The following ESPL1 variants were observed in gnomAD, a reference collection of about 807,000 sequenced individuals.
ESPL1 encodes separin.
A neutral mutation model predicts 217.2 loss-of-function variants in ESPL1; 50 were observed. The observed-to-expected ratio is 0.23, with a 90% CI of 0.18 to 0.29. The LOEUF is 0.29. Among genes scored for constraint, ESPL1 ranks in the 10% least tolerant of loss-of-function variants. The probability of loss-of-function intolerance (pLI) is 1.00; values close to 1 mark genes in which losing one functional copy is unlikely to be tolerated. For synonymous variants in ESPL1, 994 were observed against 1,081.3 expected (o/e 0.92, Z 1.58); for missense variants, 1,834 against 2,603.0 (o/e 0.70, Z 6.43).
In ESPL1 at chr12:53,286,128, C is replaced by A. The variant is rs1310296328; in HGVS notation, c.3392C>A (p.Thr1131Asn). ...ACAAACTCCTCCCCAGTCTTGAAAA[C>A]CAAGCCCCAGCCCATACCCAACTTC... ...PSTNSSPVLK[T>N]KPQPIPNFLS... The change falls in exon 18 of 31, where the codon ACC becomes AAC. Residue 1131 changes from threonine (T) to asparagine (N), a missense_variant. By Grantham distance (65) the Thr-to-Asn change is moderately conservative. This residue lies in a region of ESPL1 where 681 missense variants were observed against 808.0 expected (regional missense o/e 0.84). Coordinates refer to ENST00000257934, the MANE Select transcript of ESPL1 (RefSeq NM_012291.5). This position sits in a 1 kb window ranked among gnomAD's most constrained non-coding sequence, Gnocchi z 5.3. 6.2e-7 allele frequency: 1 copy of A among 1,614,110 alleles called. No homozygotes were observed. The highest frequency in any genetic ancestry group is 8.5e-7 in the Non-Finnish European group (1 of 1,179,936).
In ESPL1 at chr12:53,290,439, A is replaced by G. The variant is rs769883316; in HGVS notation, c.5334A>G (p.Thr1778=). ...GTACTGACAAGCGAGAATGGTGGAC[A>G]GGGCGGCTGGCACTGGACCACAGGA... ...SSCTDKREWW[T]GRLALDHRME... The change falls in exon 24 of 31, where the codon ACA becomes ACG. Residue 1778 remains threonine, a synonymous_variant. Coordinates refer to ENST00000257934, the MANE Select transcript of ESPL1 (RefSeq NM_012291.5). 1 of 1,613,216 alleles carries G rather than the reference A, an allele frequency of 6.2e-7. No individual in the cohort carries two copies. The highest frequency in any genetic ancestry group is 1.3e-5 in the African/African-American group (1 of 75,040).
At chr12:53,280,713 G>C (rs888937826) in intron 12 of ESPL1, among the ~76,000 whole-genome samples, 1 of 152,094 alleles carries the variant, frequency 6.6e-6, no homozygotes, top group Non-Finnish European at 1.5e-5. Flanking sequence ...GGTTAACCAG[G>C]CTGAGCGCAG....
Position 53,283,530 on chromosome 12 carries a change from A to G in ESPL1, c.3069A>G (p.Ile1023Met). Residue 1023 changes from isoleucine to methionine, a missense_variant, in exon 16 of 31, where the codon ATA (isoleucine) becomes ATG (methionine). Physicochemically the swap from Ile to Met is conservative, Grantham distance 10. Transcript: ENST00000257934. ...EALKLTTKLQ[I>M]PRQCALFLVL... ...TAAAACTTACAACAAAGCTGCAGAT[A>G]CCACGCCAGTAAGTACAGGGCCAGA... is the stretch of plus-strand genomic sequence containing the variant. 3 of 1,614,046 alleles carry G rather than the reference A, an allele frequency of 1.9e-6. No individual in the cohort carries two copies. The highest frequency in any genetic ancestry group is 2.5e-6 in the Non-Finnish European group (3 of 1,179,984).
At chr12:53,280,146 T>C (rs1943837640) in intron 12 of ESPL1, among the ~76,000 whole-genome samples, 1 of 152,180 alleles carries the variant, frequency 6.6e-6, no homozygotes, top group Non-Finnish European at 1.5e-5. Context: ...TAGTTGATGC[T>C]TCATTGCTCA....
Position 53,270,082 on chromosome 12 carries a change from T to C in ESPL1, c.1140T>C (p.Asp380=). ...YCSLLQQLRD[D]GVYGGSSKQQ... is the part of the protein sequence containing the mutation. ...CTCTTCTGCAGCAGCTGCGGGATGA[T>C]GGTGTGAGTTAAGGACCTGGAGGTA... The change falls in exon 3 of 31, where the codon GAT becomes GAC. Residue 380 remains aspartate (D), a synonymous_variant. Coordinates refer to ENST00000257934, the MANE Select transcript of ESPL1 (RefSeq NM_012291.5). 1 of 1,603,980 alleles carries C rather than the reference T, an allele frequency of 6.2e-7. No homozygotes were observed. The highest frequency in any genetic ancestry group is 1.3e-5 in the African/African-American group (1 of 74,788).
At chr12:53,273,836 GTTTTTTTTTTTTTTTTTT>G (rs71096001) in intron 6 of ESPL1, among the ~76,000 whole-genome samples, 5 of 63,154 alleles carry the variant, frequency 7.9e-5, no homozygotes, top group East Asian at 1.2e-3. Flanking sequence ...TGGTTTTTTG[GTTTTTTTTTTTTTTTTTT>G]TTTTTTTTTT....
chr12:53,269,645 G>A lies in ESPL1; in HGVS notation c.703G>A (p.Glu235Lys). The A allele has an allele frequency of 1.2e-6, 2 of 1,614,212 alleles. No homozygotes were observed. Among genetic ancestry groups the A allele is most frequent in the Non-Finnish European group, 1.7e-6 (2 of 1,180,034 alleles). ...GCACGTGATCAGAGCCTTGGTGGGT[G>A]AGAGAGGGAGCTCTTCTGGGCTTCT... ...SRHVIRALVG[E>K]RGSSSGLLSP... Residue 235 changes from glutamate to lysine, a missense_variant, in exon 3 of 31, where the codon GAG becomes AAG. Glu to Lys is a moderately conservative substitution (Grantham distance 56, BLOSUM62 1). Coordinates refer to ENST00000257934, the MANE Select transcript of ESPL1 (RefSeq NM_012291.5). The surrounding 1 kb of genome is among the most constrained non-coding windows in gnomAD (Gnocchi z 6.7).
chr12:53,289,491 G>A lies in ESPL1; in HGVS notation c.5010G>A (p.Leu1670=), dbSNP rs1247127028. ...SLQEMPGDVP[L]ARIQRLFSFR... is the part of the protein sequence containing the mutation. ...AGGAGATGCCTGGAGATGTCCCCCTGGCCCGCATCCAGCGCCTCTTTTCCT... is the reference window on the plus strand; with the variant it reads ...AGGAGATGCCTGGAGATGTCCCCCTAGCCCGCATCCAGCGCCTCTTTTCCT... Residue 1670 remains leucine, a synonymous_variant, in exon 22 of 31, where the codon CTG becomes CTA. Coordinates refer to ENST00000257934, the MANE Select transcript of ESPL1 (RefSeq NM_012291.5). 1 of 1,614,070 alleles carries A rather than the reference G, an allele frequency of 6.2e-7. No homozygotes were observed. The highest frequency in any genetic ancestry group is 8.5e-7 in the Non-Finnish European group (1 of 1,180,048).
At chr12:53,278,613 A>G (rs954736802) in intron 11 of ESPL1, among the ~76,000 whole-genome samples, 4 of 147,784 alleles carry the variant, frequency 2.7e-5, no homozygotes, top group Admixed American at 2.0e-4. Context: ...TTTTTTCAAG[A>G]TGGAGTCTCA....
Position 53,289,242 on chromosome 12 carries a change from A to G in ESPL1, c.4861A>G (p.Thr1621Ala). 1 of 1,612,476 alleles carries G rather than the reference A, an allele frequency of 6.2e-7. No homozygotes were observed. The stretch of plus-strand genomic sequence containing the variant: ...TCCTTATGCCACTGCTTTCCTTGTC[A>G]CCGAGTCTGTCTCCATCACCTGTCG... Reference protein sequence around the residue: ...RDPYATAFLVTESVSITCRHQ... With the variant: ...RDPYATAFLVAESVSITCRHQ... Residue 1621 changes from threonine (T) to alanine (A), a missense_variant, in exon 21 of 31, where the codon ACC (threonine) becomes GCC (alanine). Transcript: ENST00000257934.
intron 24 of ESPL1, 108 bp from the exon 25 acceptor site, chr12:53,290,733 A>T: frequency 1.7e-5 from 1 of 58,318 alleles, no homozygotes; most frequent in Non-Finnish European, 2.5e-5. Context: ...GATACGTAAG[A>T]CAGACATGCA....
chr12:53,275,605 G>A (rs546275430), intron 7 of ESPL1, among the ~76,000 whole-genome samples: 9 of 152,242 alleles, frequency 5.9e-5, no homozygotes, highest in Admixed American at 2.0e-4. Context: ...AGTGCCCACT[G>A]TATGCTAGCC....
In ESPL1 at chr12:53,292,270, C is replaced by T; in HGVS notation, c.5797-8C>T. The T allele has an allele frequency of 6.2e-7, 1 of 1,601,252 alleles. No homozygotes were observed. The highest frequency in any genetic ancestry group is 8.6e-7 in the Non-Finnish European group (1 of 1,168,356). The stretch of plus-strand genomic sequence containing the variant: ...CAAGCATCCTAATCGCCAGTGTCTC[C>T]TCCTCAGTATGGGGCCTCGCCAGTG... On this transcript the variant is annotated splice_region_variant and splice_polypyrimidine_tract_variant and intron_variant, in intron 27 of 30. Coordinates refer to ENST00000257934, the MANE Select transcript of ESPL1 (RefSeq NM_012291.5). This position sits in a 1 kb window ranked among gnomAD's most constrained non-coding sequence, Gnocchi z 4.5.
In ESPL1 at chr12:53,293,413, G is replaced by A; in HGVS notation, c.6302G>A (p.Arg2101Gln). The A allele has an allele frequency of 3.7e-6, 6 of 1,614,080 alleles. No homozygotes were observed. Among genetic ancestry groups the A allele is most frequent in the East Asian group, 4.5e-5 (2 of 44,876 alleles). ...GTAAACCAGGCCCGCCAAGCTCCCCGACTCAAGTATCTTATTGGGGCTGCA... is the reference window on the plus strand; with the variant it reads ...GTAAACCAGGCCCGCCAAGCTCCCCAACTCAAGTATCTTATTGGGGCTGCA... ...YYVNQARQAP[R>Q]LKYLIGAAPI... Residue 2101 changes from arginine (R) to glutamine (Q), a missense_variant, in exon 31 of 31, where the codon CGA becomes CAA. Transcript: ENST00000257934. The surrounding 1 kb of genome is among the most constrained non-coding windows in gnomAD (Gnocchi z 4.2).
In ESPL1 at chr12:53,289,606, G is replaced by A. The variant is rs1944017236; in HGVS notation, c.5113+12G>A. 6.2e-7 allele frequency: 1 copy of A among 1,608,270 alleles called. No homozygotes were observed. The highest frequency in any genetic ancestry group is 8.5e-7 in the Non-Finnish European group (1 of 1,177,226). Reference sequence around the variant, plus strand: ...TCTGATCCCCAGTGGTATGCGGGCAGCCTTCTGGCCGGCTCCTCTGTCCTC... The same window carrying A: ...TCTGATCCCCAGTGGTATGCGGGCAACCTTCTGGCCGGCTCCTCTGTCCTC... On this transcript the variant is annotated intron_variant, in intron 22 of 30. Transcript: ENST00000257934.
chr12:53,291,835 GC>G lies in ESPL1; in HGVS notation c.5668del (p.His1890ThrfsTer6). On this transcript the variant is annotated frameshift_variant, in exon 26 of 31. Transcript: ENST00000257934. LOFTEE classifies it high-confidence loss of function. ...CAGGGCCTGACAGTACCAAGCAATA[GC>G]CACCTTGTCTTGGTCCTAGACAAGG... Reference protein sequence around the residue: ...RLQGLTVPSNSHLVLVLDKDL... With the variant: ...RLQGLTVPSNXHLVLVLDKDL... The G allele has an allele frequency of 6.3e-7, 1 of 1,591,498 alleles. No individual in the cohort carries two copies. Among genetic ancestry groups the G allele is most frequent in the African/African-American group, 1.3e-5 (1 of 74,454 alleles).
chr12:53,280,281 G>C (rs1174896091), intron 12 of ESPL1, among the ~76,000 whole-genome samples: 1 of 152,106 alleles, frequency 6.6e-6, no homozygotes, highest in Non-Finnish European at 1.5e-5. Flanking sequence ...GCTTAACCCT[G>C]TTCCCTTTTG....
chr12:53,278,303 C>T (rs1247290098), intron 11 of ESPL1, among the ~76,000 whole-genome samples: 2 of 151,792 alleles, frequency 1.3e-5, no homozygotes, highest in Non-Finnish European at 2.9e-5. Flanking sequence ...GGCGAAACCC[C>T]GTCTCTACAA....
chr12:53,281,759 T>G, intron 13 of ESPL1, 133 bp downstream of exon 13: 30 of 831,058 alleles, frequency 3.6e-5, no homozygotes, highest in South Asian at 1.3e-4. Flanking sequence ...GGCAGGCATA[T>G]TTCCTAGCCT....
Sources: gnomAD v4.1 joint callset for allele counts (sites outside exome capture counted in the v4.1 genomes callset) on GRCh38, gnomAD v4.1.1 for gene constraint, gnomAD v4.1.1 regional missense constraint, Gnocchi (gnomAD v3.1) non-coding constraint, MANE v1.5 for transcripts, NCBI Gene and HGNC (gene_info 2026-07-23, HGNC 2026-07-21) for gene names.